MKX: variants seen among roughly 807,000 people sequenced by gnomAD.
The protein encoded by MKX is homeobox protein Mohawk.
A neutral mutation model predicts 36.0 loss-of-function variants in MKX; 13 were observed. That is an observed-to-expected ratio of 0.36 (90% CI 0.24 to 0.57). The LOEUF (loss-of-function observed/expected upper bound fraction) is 0.57. Ranked by LOEUF, MKX falls within the 20% of genes least tolerant of loss-of-function variation. MKX has a pLI of 0.79. For synonymous variants in MKX, 176 were observed against 178.3 expected (o/e 0.99, Z 0.10); for missense variants, 458 against 456.4 (o/e 1.00, Z -0.03).
At chr10:27,729,543 A>G (rs1834576543) in intron 5 of MKX, among the ~76,000 whole-genome samples, 2 of 151,826 alleles carry the variant, frequency 1.3e-5, no homozygotes, top group South Asian at 4.2e-4. Flanking sequence ...CTGACCTCTG[A>G]TGATCCACTG....
At position 27,735,336 on chromosome 10, in the gene MKX, C is replaced by T; in HGVS notation, c.387G>A (p.Lys129=). The change falls in exon 4 of 7, where the codon AAG becomes AAA. Residue 129 remains lysine, a synonymous_variant. Transcript: ENST00000419761. ...TTAAATCTGGCTGTCGAACGGTATT[C>T]TTAAGCCGACGTCTTGCATTAGCAA... is the stretch of plus-strand genomic sequence containing the variant. The part of the protein sequence containing the change: ...NWFANARRRL[K]NTVRQPDLSW... 1.2e-6 allele frequency: 2 copies of T among 1,613,652 alleles called. No homozygotes were observed. Among genetic ancestry groups the T allele is most frequent in the Non-Finnish European group, 1.7e-6 (2 of 1,179,864 alleles).
chr10:27,708,559 AT>A (rs895841446), intron 5 of MKX, among the ~76,000 whole-genome samples: 1 of 152,016 alleles, frequency 6.6e-6, no homozygotes, highest in African/African-American at 2.4e-5. Context: ...GTGAAACCCC[AT>A]CTCCTTTAAA....
At position 27,697,367 on chromosome 10, in the gene MKX, T is replaced by A. The variant is rs542320506; in HGVS notation, c.839-21813A>T. 1.2e-4 allele frequency among the ~76,000 whole-genome samples: 18 copies of A among 152,332 alleles called. No individual in the cohort carries two copies. The South Asian group carries it at 3.5e-3, about 30-fold the overall frequency. Reference sequence around the variant, plus strand: ...CTCTTTCTCCCCCTTTTTGATATAATAAAGGGCCAGGACACCTTAATACAA... The same window carrying A: ...CTCTTTCTCCCCCTTTTTGATATAAAAAAGGGCCAGGACACCTTAATACAA... On this transcript the variant is annotated intron_variant, in intron 5 of 6. Transcript: ENST00000419761.
rs1301586887 is a variant in MKX at position 27,745,815 on chromosome 10, T to A, written c.-191A>T. On this transcript the variant is annotated 5_prime_UTR_variant, in exon 1 of 7. Transcript: ENST00000419761. Reference sequence around the variant, plus strand: ...GTTCTCCACGCGGGCTCCAGCGCGCTCACCACCGCCACCGCCGTCGTCTCG... The same window carrying A: ...GTTCTCCACGCGGGCTCCAGCGCGCACACCACCGCCACCGCCGTCGTCTCG... 6.5e-6 allele frequency: 1 copy of A among 153,040 alleles called. No homozygotes were observed. The highest frequency in any genetic ancestry group is 1.9e-4 in the East Asian group (1 of 5,162). 9.5% of individuals were successfully genotyped at this position (153,040 alleles called of 1,614,324 possible).
chr10:27,681,870 C>T (rs902945473), intron 5 of MKX, among the ~76,000 whole-genome samples: 1 of 151,672 alleles, frequency 6.6e-6, no homozygotes, highest in Non-Finnish European at 1.5e-5. Flanking sequence ...TGCAGTGAGC[C>T]GAGATTGTGC....
intron 5 of MKX, among the ~76,000 whole-genome samples, chr10:27,699,415 T>C (rs1322779316): frequency 6.6e-6 from 1 of 152,184 alleles, no homozygotes; most frequent in Non-Finnish European, 1.5e-5. Flanking sequence ...TTGTGGAAAG[T>C]GCAAAGAAGT....
intron 5 of MKX, among the ~76,000 whole-genome samples, chr10:27,719,830 A>T (rs563510142): frequency 1.3e-5 from 2 of 152,060 alleles, no homozygotes; most frequent in South Asian, 2.1e-4. Context: ...AACAAAAAAA[A>T]TTTTAAAATT....
intron 5 of MKX, among the ~76,000 whole-genome samples, chr10:27,705,662 A>C (rs1024324560): frequency 6.6e-6 from 1 of 152,204 alleles, no homozygotes; most frequent in Non-Finnish European, 1.5e-5. Context: ...GCCATATGCT[A>C]CCTTTTTAAA....
At position 27,675,280 on chromosome 10, in the gene MKX, G is replaced by A. The variant is rs1487940445; in HGVS notation, c.1008C>T (p.Ser336=). 6.2e-7 allele frequency: 1 copy of A among 1,614,112 alleles called. No individual in the cohort carries two copies. The highest frequency in any genetic ancestry group is 1.1e-5 in the South Asian group (1 of 91,082). The stretch of plus-strand genomic sequence containing the variant: ...TGACAGTCTTTACTTCTGCTATATG[G>A]GACGACTTCTGGATGATGCAGCTGG... The part of the protein sequence containing the change: ...GTTSCIIQKS[S]HIAEVKTVKV... The change falls in exon 7 of 7, where the codon TCC becomes TCT. Residue 336 remains serine, a synonymous_variant. Transcript: ENST00000419761.
At position 27,675,334 on chromosome 10, in the gene MKX, T is replaced by C; in HGVS notation, c.954A>G (p.Ala318=). 1.9e-6 allele frequency: 3 copies of C among 1,614,230 alleles called. No individual in the cohort carries two copies. Among genetic ancestry groups the C allele is most frequent in the Non-Finnish European group, 2.5e-6 (3 of 1,180,030 alleles). ...INAAMALTNL[A]QGKDKLQGTT... The stretch of plus-strand genomic sequence containing the variant: ...TTCCCTGCAGTTTGTCCTTTCCCTG[T>C]GCAAGATTTGTTAAGGCCATAGCTG... Residue 318 remains alanine, a synonymous_variant, in exon 7 of 7, where the codon GCA becomes GCG. Coordinates refer to ENST00000419761, the MANE Select transcript of MKX (RefSeq NM_173576.3).
rs1421100427 is a variant in MKX, at chr10:27,742,726, G to A, written c.188+502C>T. Among the ~76,000 whole-genome samples, 1 of 151,910 alleles carries A rather than the reference G, an allele frequency of 6.6e-6. No individual in the cohort carries two copies. Among genetic ancestry groups the A allele is most frequent in the Non-Finnish European group, 1.5e-5 (1 of 67,922 alleles). ...CCCAGCCGAGCCGCGCTCACGCCCGGGACTCCCTGGCGGGAGGCGACCTTC... is the reference window on the plus strand; with the variant it reads ...CCCAGCCGAGCCGCGCTCACGCCCGAGACTCCCTGGCGGGAGGCGACCTTC... On this transcript the variant is annotated intron_variant, in intron 2 of 6. Transcript: ENST00000419761. This position sits in a 1 kb window ranked among gnomAD's most constrained non-coding sequence, Gnocchi z 4.2.
In MKX at chr10:27,738,075, T is replaced by C. The variant is rs564373835; in HGVS notation, c.349-2701A>G. On this transcript the variant is annotated intron_variant, in intron 3 of 6. Transcript: ENST00000419761. The stretch of plus-strand genomic sequence containing the variant: ...CTTTTTTTTAACCATATTATAATAG[T>C]TACACATTAGGTGATTTTCCAGAAA... Among the ~76,000 whole-genome samples the C allele has an allele frequency of 3.9e-4, 60 of 152,192 alleles. No homozygotes were observed. In the South Asian group the frequency reaches 0.011, roughly 28 times the overall value.
intron 5 of MKX, among the ~76,000 whole-genome samples, chr10:27,686,869 G>A (rs1273535123): frequency 6.6e-6 from 1 of 152,086 alleles, no homozygotes; most frequent in Non-Finnish European, 1.5e-5. Context: ...CCCCTCATGT[G>A]GGCTGGCCCC....
chr10:27,743,240 T>G lies in MKX; in HGVS notation c.176A>C (p.His59Pro), dbSNP rs1435891000. 6 of 1,515,572 alleles carry G rather than the reference T, an allele frequency of 4.0e-6. No homozygotes were observed. Among genetic ancestry groups the G allele is most frequent in the Admixed American group, 2.4e-5 (1 of 41,358 alleles). The allele number at this position is 1,515,572 out of a possible 1,614,324, so 93.9% of individuals were successfully genotyped here. A position where few individuals can be genotyped will look rare whatever the true frequency, so the allele number is the denominator to read the frequency against. The change falls in exon 2 of 7, where the codon CAC (histidine) becomes CCC (proline). Residue 59 changes from histidine to proline, a missense_variant. His to Pro is a moderately conservative substitution (Grantham distance 77). Around this residue, in one of 3 missense-constraint regions of MKX, gnomAD observed 149 missense variants for 114.3 expected, o/e 1.30. Transcript: ENST00000419761. ...PPLKDNLGLRHRRTGARQNGG... is the reference protein window; with the variant it reads ...PPLKDNLGLRPRRTGARQNGG... ...GGAGTGCGCATACCCGGTCCTCCGG[T>G]GTCTCAGGCCGAGGTTGTCCTTGAG...
At position 27,724,793 on chromosome 10, in the gene MKX, C is replaced by CA. The variant is rs1564362160; in HGVS notation, c.838+9662_838+9663insT. 8.4e-4 allele frequency among the ~76,000 whole-genome samples: 92 copies of CA among 109,038 alleles called. 1 individual carries two copies. The highest frequency in any genetic ancestry group is 3.2e-3 in the African/African-American group (84 of 26,298). The allele number at this position is 109,038 out of a possible 152,430, so 71.5% of individuals were successfully genotyped here. A position where few individuals can be genotyped will look rare whatever the true frequency, so the allele number is the denominator to read the frequency against. On this transcript the variant is annotated intron_variant, in intron 5 of 6. Transcript: ENST00000419761. ...CACACACACACACACACACACACACCCCGCAGAAACCTTTGGCCACCAGTA... is the reference window on the plus strand; with the variant it reads ...CACACACACACACACACACACACACCACCGCAGAAACCTTTGGCCACCAGTA...
chr10:27,687,662 T>C (rs991594945), intron 5 of MKX, among the ~76,000 whole-genome samples: 1 of 152,216 alleles, frequency 6.6e-6, no homozygotes, highest in African/African-American at 2.4e-5. Flanking sequence ...CAGTGATCGT[T>C]TTCACTAAGC....
intron 2 of MKX, among the ~76,000 whole-genome samples, 187 bp downstream of exon 2, chr10:27,743,041 C>T (rs1351087546): frequency 1.3e-5 from 2 of 152,240 alleles, no homozygotes. Flanking sequence ...ATTGATCCCT[C>T]ATGTTTTAAG....
chr10:27,731,044 G>T (rs1834614979), intron 5 of MKX, among the ~76,000 whole-genome samples: 1 of 148,870 alleles, frequency 6.7e-6, no homozygotes, highest in South Asian at 2.2e-4. Context: ...TGAGGCAGGA[G>T]AATTGCTTGA....
At chr10:27,700,169 A>G (rs1380205933) in intron 5 of MKX, among the ~76,000 whole-genome samples, 1 of 152,216 alleles carries the variant, frequency 6.6e-6, no homozygotes, top group Non-Finnish European at 1.5e-5. Context: ...AGCAGTCTCC[A>G]TGACCTTTAT....
Sources: allele counts gnomAD v4.1 joint callset (sites outside exome capture counted in the v4.1 genomes callset), GRCh38; gene constraint gnomAD v4.1.1; regional missense constraint gnomAD v4.1.1; non-coding constraint Gnocchi (gnomAD v3.1); transcripts MANE v1.5; gene names NCBI Gene and HGNC (gene_info 2026-07-23, HGNC 2026-07-21).